The following CHL1 variants were observed in gnomAD, a reference collection of about 807,000 sequenced individuals.
CHL1 encodes cell adhesion molecule L1 like, also known as neural cell adhesion molecule L1-like protein.
Under a neutral mutation model 141.9 loss-of-function variants are expected in CHL1, and 96 were observed. The observed-to-expected ratio is 0.68, with a 90% CI of 0.57 to 0.80. CHL1 has a LOEUF of 0.80. Ranked by LOEUF, CHL1 falls within the 30% of genes least tolerant of loss-of-function variation. CHL1 has a pLI of 0.00. For missense variants in CHL1, 1,820 were observed against 1,457.2 expected, an observed-to-expected ratio of 1.25 and a Z score of -4.05; for synonymous variants, 613 against 502.2, an observed-to-expected ratio of 1.22 and a Z score of -2.95.
chr3:233,232 G>A (rs1349532297), intron 1 of CHL1, among the ~76,000 whole-genome samples: 1 of 152,000 alleles, frequency 6.6e-6, no homozygotes, highest in Non-Finnish European at 1.5e-5. Context: ...CAACTTTTCA[G>A]CCTCGTCTCT....
chr3:341,863 C>A, intron 6 of CHL1, 49 bp from the exon 7 acceptor site: 2 of 1,376,650 alleles, frequency 1.5e-6, no homozygotes, highest in South Asian at 1.7e-5. Flanking sequence ...GAAGATGAAG[C>A]ACAGTAAGGG....
chr3:359,626 A>C (rs542572656), intron 11 of CHL1, among the ~76,000 whole-genome samples: 1 of 152,280 alleles, frequency 6.6e-6, no homozygotes, highest in African/African-American at 2.4e-5. Flanking sequence ...TCTCATTTCC[A>C]AAAGATATTC....
At chr3:387,841 GA>G (rs1575260444) in intron 19 of CHL1, among the ~76,000 whole-genome samples, 1 of 151,942 alleles carries the variant, frequency 6.6e-6, no homozygotes, top group Non-Finnish European at 1.5e-5. Context: ...ATTTTGTTTT[GA>G]TTTTTTTTTT....
At chr3:325,093 G>T (rs916592694) in intron 3 of CHL1, among the ~76,000 whole-genome samples, 7 of 150,892 alleles carry the variant, frequency 4.6e-5, no homozygotes, top group African/African-American at 1.7e-4. Context: ...AGTGAGAAAA[G>T]GTTATAAAAT....
chr3:226,781 TTTAATC>T (rs1374178705), intron 1 of CHL1, among the ~76,000 whole-genome samples: 1 of 137,404 alleles, frequency 7.3e-6, no homozygotes, highest in Non-Finnish European at 1.7e-5. Flanking sequence ...TCTCCAATCT[TTTAATC>T]TTTTAATCAT....
At chr3:389,175 C>T in intron 19 of CHL1, 77 bp from the exon 20 acceptor site, 1 of 1,084,372 alleles carries the variant, frequency 9.2e-7, no homozygotes, top group Non-Finnish European at 1.4e-6. Context: ...TTCCTTATTC[C>T]ACTTAGGGTG....
chr3:219,568 C>G (rs1162935216), intron 1 of CHL1, among the ~76,000 whole-genome samples: 3 of 152,128 alleles, frequency 2.0e-5, no homozygotes, highest in Admixed American at 6.5e-5. Context: ...GGCTATTATC[C>G]TTAGCAAACT....
chr3:219,033 C>T (rs1312321900), intron 1 of CHL1, among the ~76,000 whole-genome samples: 4 of 150,958 alleles, frequency 2.6e-5, no homozygotes, highest in Non-Finnish European at 4.4e-5. Flanking sequence ...CCTGTAGTCC[C>T]AGCTACTCCA....
intron 24 of CHL1, 33 bp downstream of exon 24, chr3:394,905 G>A (rs376100566): frequency 2.0e-6 from 3 of 1,512,492 alleles, no homozygotes; most frequent in African/African-American, 2.8e-5. Context: ...TTTAATAGAG[G>A]CTTTAAAAAG....
intron 8 of CHL1, 72 bp from the exon 9 acceptor site, chr3:344,513 TAAGA>T: frequency 3.5e-6 from 4 of 1,146,360 alleles, no homozygotes; most frequent in South Asian, 2.9e-5. Context: ...TTTTTTGTTT[TAAGA>T]AAGATGTGGT....
chr3:281,422 T>C (rs1357945191), intron 2 of CHL1, among the ~76,000 whole-genome samples: 3 of 152,158 alleles, frequency 2.0e-5, no homozygotes, highest in Non-Finnish European at 2.9e-5. Flanking sequence ...ATTGGTAAAG[T>C]TGTGGTCATG....
intron 1 of CHL1, among the ~76,000 whole-genome samples, chr3:210,363 C>A (rs1342846131): frequency 6.6e-6 from 1 of 152,146 alleles, no homozygotes; most frequent in East Asian, 1.9e-4. Context: ...TTTCTTCTGC[C>A]CCATTTGGTG....
At chr3:296,459 C>T (rs1402298035) in intron 2 of CHL1, among the ~76,000 whole-genome samples, 3 of 151,630 alleles carry the variant, frequency 2.0e-5, no homozygotes. Context: ...TTTGTAATCA[C>T]TTCTTTATTA....
intron 1 of CHL1, among the ~76,000 whole-genome samples, chr3:218,347 A>C (rs1028060405): frequency 6.6e-6 from 1 of 152,228 alleles, no homozygotes; most frequent in African/African-American, 2.4e-5. Flanking sequence ...ATTATTGATC[A>C]TAAGCATGAT....
chr3:269,574 G>A (rs984340571), intron 2 of CHL1, among the ~76,000 whole-genome samples: 14 of 152,124 alleles, frequency 9.2e-5, no homozygotes, highest in Non-Finnish European at 7.4e-5. Flanking sequence ...GGCCCAGGCT[G>A]GAGTGCAATG....
chr3:198,420 G>T (rs1347380313), intron 1 of CHL1, among the ~76,000 whole-genome samples: 5 of 151,972 alleles, frequency 3.3e-5, no homozygotes, highest in Non-Finnish European at 5.9e-5. Flanking sequence ...TAACTGGTGG[G>T]CCCCCCGGGC....
intron 5 of CHL1, among the ~76,000 whole-genome samples, chr3:336,740 T>G (rs978220522): frequency 6.6e-6 from 1 of 152,216 alleles, no homozygotes; most frequent in Non-Finnish European, 1.5e-5. Flanking sequence ...ATTTCAGGAA[T>G]GAAGATGCTA....
intron 1 of CHL1, among the ~76,000 whole-genome samples, chr3:222,892 A>G (rs1432381197): frequency 2.0e-5 from 3 of 152,082 alleles, no homozygotes; most frequent in African/African-American, 7.2e-5. Flanking sequence ...TTTTAGTGCC[A>G]TCCTTCATTT....
chr3:197,982 C>G (rs1402674959), intron 1 of CHL1: 2 of 363,178 alleles, frequency 5.5e-6, no homozygotes, highest in African/African-American at 2.1e-5. Flanking sequence ...CCAGCCCCTC[C>G]GTTCCCACTC....
Sources: allele counts gnomAD v4.1 joint callset (sites outside exome capture counted in the v4.1 genomes callset), GRCh38; gene constraint gnomAD v4.1.1; transcripts MANE v1.5; gene names NCBI Gene and HGNC (gene_info 2026-07-23, HGNC 2026-07-21).